The following CAPN5 variants were observed in gnomAD, a reference collection of about 807,000 sequenced individuals.
CAPN5 encodes the protein calpain-5.
A neutral mutation model predicts 73.0 loss-of-function variants in CAPN5; 54 were observed. The observed-to-expected ratio is 0.74, with a 90% CI of 0.59 to 0.93. The LOEUF (loss-of-function observed/expected upper bound fraction) is 0.93. Among genes scored for constraint, CAPN5 ranks in the 40% least tolerant of loss-of-function variants. The probability of loss-of-function intolerance (pLI) is 0.00; values close to 1 mark genes in which losing one functional copy is unlikely to be tolerated. For missense variants in CAPN5, 785 were observed against 882.9 expected, an observed-to-expected ratio of 0.89 and a Z score of 1.41; for synonymous variants, 335 against 356.9, an observed-to-expected ratio of 0.94 and a Z score of 0.69.
At chr11:77,071,930 C>T (rs782298111) in intron 1 of CAPN5, among the ~76,000 whole-genome samples, 8 of 152,230 alleles carry the variant, frequency 5.3e-5, no homozygotes, top group Admixed American at 5.2e-4. Flanking sequence ...CTGCCTGCTG[C>T]GGACCTGCCC....
At chr11:77,122,793 G>C (rs2135491124) in intron 12 of CAPN5, 81 bp downstream of exon 12, 1 of 1,577,126 alleles carries the variant, frequency 6.3e-7, no homozygotes, top group Non-Finnish European at 8.6e-7. Context: ...CCAGGTGGAA[G>C]ACCCTCTGAC....
chr11:77,114,350 C>T lies in CAPN5; in HGVS notation c.615C>T (p.Ala205=). The change falls in exon 5 of 13, where the codon GCC becomes GCT. Residue 205 remains alanine (A), a synonymous_variant. Transcript: ENST00000648180. The part of the protein sequence containing the change: ...EPIDLTEGDF[A]NDETKRNQLF... ...TCGACCTGACCGAGGGTGACTTTGCCAACGATGAGACTAAGAGGAACCAGC... is the reference window on the plus strand; with the variant it reads ...TCGACCTGACCGAGGGTGACTTTGCTAACGATGAGACTAAGAGGAACCAGC... 1 of 1,614,154 alleles carries T rather than the reference C, an allele frequency of 6.2e-7. No individual in the cohort carries two copies. Among genetic ancestry groups the T allele is most frequent in the Non-Finnish European group, 8.5e-7 (1 of 1,180,018 alleles).
rs782697800 is a variant in CAPN5 at position 77,121,989 on chromosome 11, C to T, written c.1543C>T (p.Pro515Ser). The change falls in exon 11 of 13, where the codon CCC becomes TCC. Residue 515 changes from proline to serine, a missense_variant. Transcript: ENST00000648180. Reference protein sequence around the residue: ...HTCWSSLCGYPQLVTQVHVLG... With the variant: ...HTCWSSLCGYSQLVTQVHVLG... ...CTGCTGGAGCTCCCTCTGTGGCTACCCCCAGCTGGTGACCCAGGTACATGT... is the reference window on the plus strand; with the variant it reads ...CTGCTGGAGCTCCCTCTGTGGCTACTCCCAGCTGGTGACCCAGGTACATGT... 1.9e-6 allele frequency: 3 copies of T among 1,563,926 alleles called. No homozygotes were observed. In the African/African-American group the frequency reaches 4.1e-5, roughly 21 times the overall value.
intron 1 of CAPN5, among the ~76,000 whole-genome samples, chr11:77,080,885 C>T (rs1033356846): frequency 3.3e-5 from 5 of 152,232 alleles, no homozygotes; most frequent in Admixed American, 2.0e-4. Flanking sequence ...GATGCAAACT[C>T]AGATCTGACT....
At chr11:77,100,359 C>T (rs55796547) in intron 3 of CAPN5, among the ~76,000 whole-genome samples, 6,935 of 151,522 alleles carry the variant, frequency 0.046, 188 homozygotes, top group African/African-American at 0.071. Context: ...CCCTCTGCCT[C>T]CTCCCCTCCC....
chr11:77,082,007 C>T (rs782702588), intron 1 of CAPN5, among the ~76,000 whole-genome samples: 23 of 152,024 alleles, frequency 1.5e-4, no homozygotes, highest in Non-Finnish European at 2.9e-4. Context: ...CACATTGGAC[C>T]CTGGGATAGA....
intron 3 of CAPN5, among the ~76,000 whole-genome samples, chr11:77,107,040 A>T (rs745065): frequency 1.3e-5 from 2 of 152,152 alleles, no homozygotes; most frequent in Non-Finnish European, 2.9e-5. Context: ...GGTCTCAGCC[A>T]CCCCATGAAC....
chr11:77,122,723 T>C lies in CAPN5; in HGVS notation c.1740+11T>C. On this transcript the variant is annotated intron_variant, in intron 12 of 12. Transcript: ENST00000648180. ...CCCATCACTGTACAGGTGAGCCCCC[T>C]GGTCCAGAGGCCACCTCCTGGGCTC... 6.2e-7 allele frequency: 1 copy of C among 1,612,794 alleles called. No individual in the cohort carries two copies. Among genetic ancestry groups the C allele is most frequent in the East Asian group, 2.2e-5 (1 of 44,880 alleles).
At chr11:77,087,843 A>G in intron 2 of CAPN5, 1 of 1,486,266 alleles carries the variant, frequency 6.7e-7, no homozygotes, top group South Asian at 1.2e-5. Context: ...TTGACTCTGC[A>G]GGTGGGACCA....
intron 1 of CAPN5, among the ~76,000 whole-genome samples, chr11:77,079,543 A>G (rs1950008197): frequency 6.6e-6 from 1 of 152,184 alleles, no homozygotes; most frequent in Non-Finnish European, 1.5e-5. Flanking sequence ...TCATTGATGA[A>G]CATTTAGCTT....
At chr11:77,101,065 T>C (rs1950278830) in intron 3 of CAPN5, among the ~76,000 whole-genome samples, 1 of 152,264 alleles carries the variant, frequency 6.6e-6, no homozygotes, top group Non-Finnish European at 1.5e-5. Flanking sequence ...CCTCTTGGCC[T>C]TGGGCTTGTG....
At chr11:77,089,390 G>T (rs918315793) in intron 2 of CAPN5, among the ~76,000 whole-genome samples, 1 of 152,220 alleles carries the variant, frequency 6.6e-6, no homozygotes, top group East Asian at 1.9e-4. Context: ...CTCACATGGG[G>T]GGTCAGGGCC....
At chr11:77,067,350 C>T (rs1555032238) in intron 1 of CAPN5, among the ~76,000 whole-genome samples, 1 of 150,520 alleles carries the variant, frequency 6.6e-6, no homozygotes, top group African/African-American at 2.4e-5. Context: ...TCACCTCCCT[C>T]TGGGTGTCTC....
At chr11:77,078,222 G>A (rs1464634409) in intron 1 of CAPN5, among the ~76,000 whole-genome samples, 3 of 152,106 alleles carry the variant, frequency 2.0e-5, no homozygotes, top group African/African-American at 4.8e-5. Flanking sequence ...TCTTTAGTCC[G>A]TTTGAGTCAA....
Position 77,120,937 on chromosome 11 carries a change from G to A in CAPN5, c.1487+28G>A, listed in dbSNP as rs1005737402. ...ACTTGGGGGCTGGCTTGAGGCCAGT[G>A]TGGGTGGGAGTGACATTCACACTGG... On this transcript the variant is annotated intron_variant, in intron 10 of 12. Coordinates refer to ENST00000648180, the MANE Select transcript of CAPN5 (RefSeq NM_004055.5). The A allele has an allele frequency of 2.5e-6, 4 of 1,592,896 alleles. No homozygotes were observed. In the African/African-American group the frequency reaches 5.4e-5, roughly 21 times the overall value.
At chr11:77,100,512 C>T (rs1157016228) in intron 3 of CAPN5, among the ~76,000 whole-genome samples, 2 of 152,184 alleles carry the variant, frequency 1.3e-5, no homozygotes, top group African/African-American at 4.8e-5. Flanking sequence ...TCAGACCCTC[C>T]CCAGGGGTCT....
chr11:77,084,717 G>A (rs1418204474), intron 1 of CAPN5, 135 bp from the exon 2 acceptor site: 3 of 713,770 alleles, frequency 4.2e-6, no homozygotes, highest in Non-Finnish European at 7.3e-6. Flanking sequence ...TATACCAGCT[G>A]TGTGACCTTG....
intron 3 of CAPN5, among the ~76,000 whole-genome samples, chr11:77,104,784 A>G (rs1167765625): frequency 6.6e-6 from 1 of 152,204 alleles, no homozygotes; most frequent in East Asian, 1.9e-4. Flanking sequence ...CTGTCAAGGA[A>G]CTTGCGGCTC....
chr11:77,088,514 G>C (rs1950115604), intron 2 of CAPN5, among the ~76,000 whole-genome samples: 1 of 152,050 alleles, frequency 6.6e-6, no homozygotes, highest in Non-Finnish European at 1.5e-5. Flanking sequence ...AGGAGAAGGA[G>C]GTAGGGCTGG....
Sources: gnomAD v4.1 joint callset for allele counts (sites outside exome capture counted in the v4.1 genomes callset) on GRCh38, gnomAD v4.1.1 for gene constraint, MANE v1.5 for transcripts, NCBI Gene and HGNC (gene_info 2026-07-23, HGNC 2026-07-21) for gene names.